RPS29: variants seen among roughly 807,000 people sequenced by gnomAD.
RPS29 encodes ribosomal protein S29.
For missense variants in RPS29, 60 were observed against 75.7 expected (o/e 0.79, Z 0.77); for synonymous variants, 37 against 26.9 (o/e 1.37, Z -1.16).
At chr14:49,584,625 G>T (rs184688792) in intron 2 of RPS29, among the ~76,000 whole-genome samples, 4 of 152,082 alleles carry the variant, frequency 2.6e-5, no homozygotes, top group African/African-American at 9.7e-5. Context: ...TAGGCCGGGC[G>T]TGGTGGCAGA....
rs754377962 is a variant in RPS29 at position 49,586,361 on chromosome 14, T to C, written c.-15A>G. On this transcript the variant is annotated 5_prime_UTR_variant, in exon 1 of 3. Transcript: ENST00000245458. ...TGGTGACCCATCTTGCTCTCAGCAG[T>C]GCAACGAGGTAAAAGGAAGAAGCTG... The C allele has an allele frequency of 2.5e-6, 4 of 1,613,238 alleles. No homozygotes were observed. The highest frequency in any genetic ancestry group is 1.7e-5 in the Admixed American group (1 of 60,012).
chr14:49,574,364 T>C (rs1026862172), exon 3 of RPS29: 5 of 152,170 alleles, frequency 3.3e-5, no homozygotes, highest in Admixed American at 1.3e-4. Flanking sequence ...GCTGTTACAG[T>C]TAAGGTCATA....
At chr14:49,594,910 T>C (rs987228843) in intron 1 of RPS29, among the ~76,000 whole-genome samples, 1 of 152,192 alleles carries the variant, frequency 6.6e-6, no homozygotes, top group Non-Finnish European at 1.5e-5. Flanking sequence ...ACCAATGAAC[T>C]CTGTTCATTG....
chr14:49,581,991 A>C (rs1881348813), downstream of RPS29, among the ~76,000 whole-genome samples: 1 of 136,306 alleles, frequency 7.3e-6, no homozygotes, highest in African/African-American at 2.9e-5. Context: ...AGCTTGGGTG[A>C]TAGAGCAAGA....
exon 3 of RPS29, chr14:49,577,711 G>A (rs1881223428): frequency 1.1e-6 from 1 of 926,380 alleles, no homozygotes; most frequent in East Asian, 2.4e-5. Flanking sequence ...CCTTAATTTT[G>A]ACATATCAGT....
chr14:49,598,551 A>C, exon 1 of RPS29: 2 of 702,358 alleles, frequency 2.8e-6, no homozygotes, highest in South Asian at 3.0e-5. Flanking sequence ...TCGCTGGCTT[A>C]CGGGGCCACT....
intron 1 of RPS29, 25 bp from the exon 2 acceptor site, chr14:49,586,074 T>C (rs1413896256): frequency 6.3e-7 from 1 of 1,599,254 alleles, no homozygotes; most frequent in Non-Finnish European, 8.6e-7. Context: ...ACAGCGGTTT[T>C]GCAGGTCATA....
chr14:49,593,399 T>C (rs574956314), intron 1 of RPS29, among the ~76,000 whole-genome samples: 1 of 152,218 alleles, frequency 6.6e-6, no homozygotes, highest in African/African-American at 2.4e-5. Flanking sequence ...CACTCAAATG[T>C]GCTGGATAAA....
At chr14:49,581,307 T>A (rs1055172192), downstream of RPS29, among the ~76,000 whole-genome samples, 3 of 152,240 alleles carry the variant, frequency 2.0e-5, no homozygotes, top group African/African-American at 7.2e-5. Flanking sequence ...AAACTGGGGT[T>A]ACCAATTCTG....
At chr14:49,577,727 T>C (rs922841472) in exon 3 of RPS29, 45 of 1,033,396 alleles carry the variant, frequency 4.4e-5, no homozygotes, top group Middle Eastern at 2.0e-4. Flanking sequence ...TCAGTCTGAC[T>C]GGTTCCCAGT....
At chr14:49,576,071 G>C (rs1002887816) in exon 3 of RPS29, 2 of 151,068 alleles carry the variant, frequency 1.3e-5, no homozygotes, top group Non-Finnish European at 2.9e-5. Context: ...TCTACAAACT[G>C]AGCCTTTTAT....
intron 1 of RPS29, among the ~76,000 whole-genome samples, chr14:49,593,771 T>G (rs1881765656): frequency 1.5e-5 from 2 of 137,118 alleles, no homozygotes; most frequent in Admixed American, 7.5e-5. Flanking sequence ...TGGGGGCAGG[T>G]GCTAAGTGGG....
At position 49,586,267 on chromosome 14, in the gene RPS29, TCACAAAC is replaced by T; in HGVS notation, c.62+11_62+17del. The T allele has an allele frequency of 6.2e-7, 1 of 1,612,930 alleles. No individual in the cohort carries two copies. The highest frequency in any genetic ancestry group is 8.5e-7 in the Non-Finnish European group (1 of 1,179,024). On this transcript the variant is annotated intron_variant, in intron 1 of 2. Transcript: ENST00000245458. ...GCTCCACGGCAACGCTTCCCCAAAA[TCACAAAC>T]TATTTCTCACCAAGAGCGAGAACCC...
chr14:49,591,045 T>C (rs889485005), upstream of RPS29, among the ~76,000 whole-genome samples: 1 of 152,164 alleles, frequency 6.6e-6, no homozygotes, highest in East Asian at 1.9e-4. Context: ...AGTTGTTCAA[T>C]AGTGTTATGT....
At position 49,595,362 on chromosome 14, in the gene RPS29, G is replaced by T. The variant is rs576583000; in HGVS notation, c.-133+3038C>A. Among the ~76,000 whole-genome samples, 10 of 152,116 alleles carry T rather than the reference G, an allele frequency of 6.6e-5. No individual in the cohort carries two copies. In the South Asian group the frequency reaches 1.9e-3, roughly 28 times the overall value. ...GCACTTTGGGAGGCTGAGGCAGGAG[G>T]ACAGCTTGAGGTCAGGAGTTCAAGA... On this transcript the variant is annotated intron_variant, in intron 1 of 3. Transcript: ENST00000556230.
At chr14:49,584,785 C>T (rs996474130) in intron 2 of RPS29, among the ~76,000 whole-genome samples, 5 of 151,320 alleles carry the variant, frequency 3.3e-5, no homozygotes, top group Admixed American at 1.3e-4. Flanking sequence ...AAATTTACAT[C>T]ATTATAGAAC....
chr14:49,592,902 G>A (rs28609430), intron 1 of RPS29, among the ~76,000 whole-genome samples: 69,828 of 150,550 alleles, frequency 0.46, 17,100 homozygotes, highest in Middle Eastern at 0.55. Context: ...GAGCGAAACC[G>A]CATCTCAAAA....
In RPS29 at chr14:49,576,545, T is replaced by C. The variant is rs185339423; in HGVS notation, c.*1267A>G. 5.3e-5 allele frequency: 8 copies of C among 152,328 alleles called. No homozygotes were observed. In the East Asian group the frequency reaches 9.6e-4, roughly 18 times the overall value. The allele number at this position is 152,328 out of a possible 1,614,324, so 9.4% of individuals were successfully genotyped here. A position where few individuals can be genotyped will look rare whatever the true frequency, so the allele number is the denominator to read the frequency against. ...ACCAATTACCATTAAAGATAGTTTT[T>C]AAGAACGATGTCCTAGCAGAGGTTA... On this transcript the variant is annotated 3_prime_UTR_variant, in exon 3 of 3. Coordinates refer to the RPS29 transcript ENST00000396020.
intron 1 of RPS29, among the ~76,000 whole-genome samples, chr14:49,591,745 C>T (rs12436945): frequency 0.22 from 33,778 of 151,326 alleles, 4,190 homozygotes; most frequent in African/African-American, 0.31. Context: ...CTCAGCCTCC[C>T]GAGTAGCTGG....
Sources: allele counts gnomAD v4.1 joint callset (sites outside exome capture counted in the v4.1 genomes callset), GRCh38; gene constraint gnomAD v4.1.1; transcripts MANE v1.5; gene names NCBI Gene and HGNC (gene_info 2026-07-23, HGNC 2026-07-21).